TEC: variants seen among roughly 807,000 people sequenced by gnomAD.
TEC encodes tec protein tyrosine kinase.
TEC carries 72 observed loss-of-function variants against 93.0 expected under a neutral mutation model. The observed-to-expected ratio is 0.77, with a 90% CI of 0.64 to 0.94. TEC has a LOEUF of 0.94. Among genes scored for constraint, TEC ranks in the 40% least tolerant of loss-of-function variants. TEC has a pLI of 0.00. For missense variants in TEC, 630 were observed against 757.9 expected (o/e 0.83, Z 1.98); for synonymous variants, 249 against 247.7 (o/e 1.01, Z -0.05).
At chr4:48,213,600 C>T (rs969811104) in intron 2 of TEC, among the ~76,000 whole-genome samples, 6 of 152,130 alleles carry the variant, frequency 3.9e-5, no homozygotes, top group Admixed American at 1.3e-4. Context: ...CGTACCTGAC[C>T]AGCATCAACC....
At chr4:48,230,434 C>T (rs1723614000) in intron 1 of TEC, among the ~76,000 whole-genome samples, 1 of 152,180 alleles carries the variant, frequency 6.6e-6, no homozygotes, top group African/African-American at 2.4e-5. Flanking sequence ...CATGAAAATA[C>T]TACGCAAATG....
chr4:48,172,728 T>C (rs1721165642), intron 3 of TEC, among the ~76,000 whole-genome samples: 1 of 152,150 alleles, frequency 6.6e-6, no homozygotes, highest in African/African-American at 2.4e-5. Context: ...AAGACAAATA[T>C]AGAAATACCT....
intron 2 of TEC, among the ~76,000 whole-genome samples, chr4:48,185,316 T>C (rs1721772850): frequency 6.6e-6 from 1 of 152,228 alleles, no homozygotes; most frequent in African/African-American, 2.4e-5. Flanking sequence ...AGAATGGGTC[T>C]TAAGTACAGC....
intron 1 of TEC, among the ~76,000 whole-genome samples, chr4:48,243,673 C>T (rs1190118811): frequency 6.6e-6 from 1 of 152,110 alleles, no homozygotes; most frequent in African/African-American, 2.4e-5. Flanking sequence ...ATTTCATTAC[C>T]ATGTGATCAG....
At chr4:48,227,782 G>C (rs1723521669) in intron 2 of TEC, among the ~76,000 whole-genome samples, 1 of 151,982 alleles carries the variant, frequency 6.6e-6, no homozygotes. Flanking sequence ...AGAGAAGGCA[G>C]TATGTGGCAG....
At chr4:48,267,398 G>A (rs1298153304) in intron 1 of TEC, among the ~76,000 whole-genome samples, 1 of 152,190 alleles carries the variant, frequency 6.6e-6, no homozygotes, top group Non-Finnish European at 1.5e-5. Context: ...AATAAGGCAA[G>A]CCCAAGCACA....
In TEC at chr4:48,146,790, C is replaced by T. The variant is rs142296394; in HGVS notation, c.1007-391G>A. On this transcript the variant is annotated intron_variant, in intron 11 of 17. Transcript: ENST00000381501. Reference sequence around the variant, plus strand: ...GCATACAAATCGGGCTCTAGGATAGCAACAACTGGGAATACCAACTACTGG... The same window carrying T: ...GCATACAAATCGGGCTCTAGGATAGTAACAACTGGGAATACCAACTACTGG... Among the ~76,000 whole-genome samples, 51 of 152,278 alleles carry T rather than the reference C, an allele frequency of 3.3e-4. 1 individual carries two copies. The East Asian group carries it at 9.1e-3, about 27-fold the overall frequency.
At chr4:48,193,312 T>C (rs1298224629) in intron 2 of TEC, among the ~76,000 whole-genome samples, 1 of 152,066 alleles carries the variant, frequency 6.6e-6, no homozygotes, top group South Asian at 2.1e-4. Context: ...GAGTTTTTGC[T>C]CATATTTTTT....
At position 48,220,860 on chromosome 4, in the gene TEC, C is replaced by T. The variant is rs571941675; in HGVS notation, c.138+7617G>A. Reference sequence around the variant, plus strand: ...CCTACAATTTAACTCAATTCTGACACTAACTGCTCAGAATTAAGACAGACC... The same window carrying T: ...CCTACAATTTAACTCAATTCTGACATTAACTGCTCAGAATTAAGACAGACC... On this transcript the variant is annotated intron_variant, in intron 2 of 17. Coordinates refer to ENST00000381501, the MANE Select transcript of TEC (RefSeq NM_003215.3). Among the ~76,000 whole-genome samples the T allele has an allele frequency of 1.1e-3, 169 of 152,276 alleles. 2 individuals carry two copies. The highest frequency in any genetic ancestry group is 1.7e-3 in the Non-Finnish European group (116 of 68,026).
At chr4:48,219,545 G>A (rs13108221) in intron 2 of TEC, among the ~76,000 whole-genome samples, 11,925 of 152,274 alleles carry the variant, frequency 0.078, 647 homozygotes, top group South Asian at 0.15. Flanking sequence ...AAGAAATAGT[G>A]AAAGTCTTAA....
chr4:48,262,335 T>G, intron 1 of TEC, among the ~76,000 whole-genome samples: 1 of 151,564 alleles, frequency 6.6e-6, no homozygotes, highest in Non-Finnish European at 1.5e-5. Flanking sequence ...TAGCTGGAAT[T>G]ACAGGCACGT....
intron 1 of TEC, among the ~76,000 whole-genome samples, chr4:48,265,478 CGT>C (rs1397092142): frequency 2.2e-5 from 3 of 136,536 alleles, no homozygotes; most frequent in African/African-American, 8.5e-5. Context: ...CACATATATA[CGT>C]GTGTGTATAT....
intron 3 of TEC, 127 bp downstream of exon 3, chr4:48,175,955 T>C: frequency 1.5e-6 from 1 of 679,760 alleles, no homozygotes; most frequent in Non-Finnish European, 2.5e-6. Flanking sequence ...TGAAGAAAAG[T>C]CACAACTATT....
At position 48,230,654 on chromosome 4, in the gene TEC, C is replaced by T. The variant is rs916019986; in HGVS notation, c.-45-1995G>A. On this transcript the variant is annotated intron_variant, in intron 1 of 17. Transcript: ENST00000381501. ...ATCAGAAATCCTGAATGCCTCCCCA[C>T]GACCTGCAGAGTAAAGCTAAAATTC... is the stretch of plus-strand genomic sequence containing the variant. Among the ~76,000 whole-genome samples the T allele has an allele frequency of 3.9e-4, 60 of 152,290 alleles. 1 individual carries two copies. Among genetic ancestry groups the T allele is most frequent in the South Asian group, 1.0e-3 (5 of 4,828 alleles).
chr4:48,146,848 T>G (rs568794653), intron 11 of TEC, among the ~76,000 whole-genome samples: 1 of 151,846 alleles, frequency 6.6e-6, no homozygotes, highest in South Asian at 2.1e-4. Context: ...CCAAGTCGCA[T>G]ACAGCACTAA....
intron 14 of TEC, among the ~76,000 whole-genome samples, chr4:48,142,958 A>G (rs957508563): frequency 7.2e-5 from 11 of 152,216 alleles, no homozygotes; most frequent in Admixed American, 5.9e-4. Context: ...CTGGCATTAC[A>G]GGCGTGAGCC....
Position 48,186,842 on chromosome 4 carries a change from C to T in TEC, c.139-10656G>A, listed in dbSNP as rs527420907. On this transcript the variant is annotated intron_variant, in intron 2 of 17. Transcript: ENST00000381501. ...GGGCGCCTCCGCCCACCCACTGCCC[C>T]GTCTGGGAGGTGGGGGGCGCCTCTG... 1.4e-4 allele frequency among the ~76,000 whole-genome samples: 20 copies of T among 147,794 alleles called. 1 individual carries two copies. In the South Asian group the frequency reaches 2.4e-3, roughly 18 times the overall value.
intron 2 of TEC, among the ~76,000 whole-genome samples, chr4:48,207,720 T>G (rs1722762516): frequency 6.6e-6 from 1 of 151,786 alleles, no homozygotes; most frequent in Non-Finnish European, 1.5e-5. Context: ...CCCGAAAGGT[T>G]GAGGCTACAG....
chr4:48,154,161 A>G (rs777465090), intron 9 of TEC, among the ~76,000 whole-genome samples: 7 of 152,246 alleles, frequency 4.6e-5, no homozygotes, highest in Non-Finnish European at 7.3e-5. Flanking sequence ...CTGTATGCCT[A>G]TATGTCTATA....
Sources: gnomAD v4.1 joint callset for allele counts (sites outside exome capture counted in the v4.1 genomes callset) on GRCh38, gnomAD v4.1.1 for gene constraint, MANE v1.5 for transcripts, NCBI Gene and HGNC (gene_info 2026-07-23, HGNC 2026-07-21) for gene names.